Variants in NUP155 observed in about 807,000 individuals in gnomAD.
NUP155 encodes nucleoporin 155, also known as nuclear pore complex protein Nup155.
NUP155 carries 71 observed loss-of-function variants against 180.4 expected under a neutral mutation model. The ratio of observed to expected loss-of-function variants is 0.39; its 90% CI spans 0.33 to 0.48. The LOEUF (loss-of-function observed/expected upper bound fraction) is 0.48. Ranked by LOEUF, NUP155 falls within the 20% of genes least tolerant of loss-of-function variation. The probability of loss-of-function intolerance (pLI) is 0.91; values close to 1 mark genes in which losing one functional copy is unlikely to be tolerated. For missense variants in NUP155, 1,553 were observed against 1,648.9 expected, an observed-to-expected ratio of 0.94 and a Z score of 1.01; for synonymous variants, 582 against 559.5, an observed-to-expected ratio of 1.04 and a Z score of -0.57.
Position 37,301,272 on chromosome 5 carries a change from A to G in NUP155, c.3561+165T>C, listed in dbSNP as rs1742849285. On this transcript the variant is annotated intron_variant, in intron 30 of 34. Coordinates refer to ENST00000231498, the MANE Select transcript of NUP155 (RefSeq NM_153485.3). ...AGCTTAGCCTTTTTCTAGGAGTCAG[A>G]TGAAGCAGTGGTGATCTGTCAGCCC... 24 of 584,396 alleles carry G rather than the reference A, an allele frequency of 4.1e-5. 1 individual carries two copies. In the South Asian group the frequency reaches 4.4e-4, roughly 11 times the overall value. 36.2% of individuals were successfully genotyped at this position (584,396 alleles called of 1,614,324 possible).
chr5:37,348,452 A>C, intron 9 of NUP155, 53 bp downstream of exon 9: 3 of 1,108,164 alleles, frequency 2.7e-6, no homozygotes, highest in Non-Finnish European at 4.2e-6. Flanking sequence ...GCTACACACA[A>C]ATAGTATAAT....
chr5:37,366,179 C>T (rs374821738), intron 1 of NUP155, among the ~76,000 whole-genome samples: 3 of 152,166 alleles, frequency 2.0e-5, no homozygotes, highest in East Asian at 3.9e-4. Flanking sequence ...TCTACTCAGC[C>T]TACCCTTGCT....
At chr5:37,362,317 T>TC (rs775539377) in intron 3 of NUP155, among the ~76,000 whole-genome samples, 26 of 152,000 alleles carry the variant, frequency 1.7e-4, no homozygotes, top group Non-Finnish European at 3.1e-4. Flanking sequence ...GATGGAGTTT[T>TC]CCCTCTTGTT....
intron 3 of NUP155, among the ~76,000 whole-genome samples, chr5:37,361,886 T>C (rs1410972514): frequency 6.6e-6 from 1 of 152,100 alleles, no homozygotes; most frequent in East Asian, 1.9e-4. Context: ...GTGGGGTCTT[T>C]GAAAGGTTAT....
intron 27 of NUP155, 44 bp from the exon 28 acceptor site, chr5:37,303,458 C>T: frequency 1.3e-6 from 2 of 1,507,882 alleles, no homozygotes; most frequent in South Asian, 1.1e-5. Context: ...TAACCACCTA[C>T]AGATAATGTT....
intron 32 of NUP155, among the ~76,000 whole-genome samples, chr5:37,295,438 G>A (rs1336376062): frequency 6.6e-6 from 1 of 152,078 alleles, no homozygotes; most frequent in African/African-American, 2.4e-5. Context: ...CTCCCAAAGT[G>A]CCGAGATTGC....
chr5:37,344,009 G>T (rs1037748557), intron 9 of NUP155, among the ~76,000 whole-genome samples: 14 of 152,100 alleles, frequency 9.2e-5, no homozygotes, highest in Non-Finnish European at 1.9e-4. Flanking sequence ...ATATAATGTA[G>T]TAAGACATTT....
rs1248374822 is a variant in NUP155, at chr5:37,291,827, AAC to A, written c.*71_*72del. The A allele has an allele frequency of 1.5e-6, 2 of 1,368,334 alleles. No individual in the cohort carries two copies. The highest frequency in any genetic ancestry group is 4.6e-5 in the East Asian group (2 of 43,534). The allele number at this position is 1,368,334 out of a possible 1,614,324, so 84.8% of individuals were successfully genotyped here. The stretch of plus-strand genomic sequence containing the variant: ...ATTGTTCTTACATTCTTAGATTTAG[AAC>A]ACCTGATATCTGGACCCAGCTGAGT... On this transcript the variant is annotated 3_prime_UTR_variant, in exon 35 of 35. Coordinates refer to ENST00000231498, the MANE Select transcript of NUP155 (RefSeq NM_153485.3).
intron 20 of NUP155, among the ~76,000 whole-genome samples, chr5:37,323,452 C>CA (rs1293800551): frequency 2.0e-5 from 3 of 151,996 alleles, no homozygotes; most frequent in African/African-American, 7.2e-5. Context: ...GGGAAAGAAA[C>CA]AGACACCAAA....
chr5:37,324,066 T>C lies in NUP155; in HGVS notation c.2133A>G (p.Leu711=), dbSNP rs763375833. 2.4e-5 allele frequency: 38 copies of C among 1,613,762 alleles called. No individual in the cohort carries two copies. Among genetic ancestry groups the C allele is most frequent in the Middle Eastern group, 3.3e-4 (2 of 6,080 alleles). Residue 711 remains leucine (L), a synonymous_variant, in exon 20 of 35, where the codon CTA becomes CTG. Transcript: ENST00000231498. The part of the protein sequence containing the change: ...SVPCQLLESV[L]QELKGLQEFL... The stretch of plus-strand genomic sequence containing the variant: ...ATTCCTGCAAACCCTTTAGTTCTTG[T>C]AGCACTGACTCTAGCAGTTGGCAGG...
chr5:37,311,782 G>A (rs917590664), intron 22 of NUP155, among the ~76,000 whole-genome samples: 2 of 152,076 alleles, frequency 1.3e-5, no homozygotes, highest in Non-Finnish European at 2.9e-5. Context: ...CACTTTGGGA[G>A]GCCAAGGCAG....
intron 3 of NUP155, among the ~76,000 whole-genome samples, chr5:37,358,874 C>T (rs531634393): frequency 4.6e-5 from 7 of 152,064 alleles, no homozygotes; most frequent in East Asian, 1.9e-4. Context: ...AAAATTAGCC[C>T]GGCATGGTGG....
At chr5:37,350,312 C>T in intron 6 of NUP155, 47 bp from the exon 7 acceptor site, 1 of 1,158,602 alleles carries the variant, frequency 8.6e-7, no homozygotes, top group Non-Finnish European at 1.3e-6. Context: ...ATGTAACTCC[C>T]TTACAATAAC....
chr5:37,362,352 G>A (rs182757378), intron 3 of NUP155, among the ~76,000 whole-genome samples: 67 of 151,410 alleles, frequency 4.4e-4, no homozygotes, highest in Non-Finnish European at 7.4e-4. Context: ...GCAATGGCGC[G>A]ATCTCGGCTC....
chr5:37,348,145 T>C (rs1006927634), intron 9 of NUP155, among the ~76,000 whole-genome samples: 1 of 151,216 alleles, frequency 6.6e-6, no homozygotes, highest in East Asian at 2.0e-4. Context: ...AAAAAAAATA[T>C]ATATAAAAAT....
chr5:37,370,778 CGA>C (rs1491418615), intron 1 of NUP155, 41 bp downstream of exon 1: 8 of 1,613,722 alleles, frequency 5.0e-6, no homozygotes, highest in Middle Eastern at 1.7e-4. Flanking sequence ...GGAAGTCAGG[CGA>C]GAGTCCTTTA....
intron 12 of NUP155, 53 bp downstream of exon 12, chr5:37,337,765 T>C: frequency 9.4e-7 from 1 of 1,065,532 alleles, no homozygotes; most frequent in South Asian, 1.3e-5. Flanking sequence ...TTCCATATTA[T>C]CCTTCACTTA....
In NUP155 at chr5:37,305,158, T is replaced by C; in HGVS notation, c.2956A>G (p.Ser986Gly). Residue 986 changes from serine to glycine, a missense_variant, in exon 26 of 35, where the codon AGT becomes GGT. Transcript: ENST00000231498. ...TDTLQELVNQ[S>G]KAAPQSPSVP... is the part of the protein sequence containing the mutation. The stretch of plus-strand genomic sequence containing the variant: ...CTGGGAGACTGAGGAGCGGCCTTAC[T>C]TTGATTTACCAGTTCTTGAAGTGTG... 6.2e-7 allele frequency: 1 copy of C among 1,613,864 alleles called. No homozygotes were observed. The highest frequency in any genetic ancestry group is 8.5e-7 in the Non-Finnish European group (1 of 1,179,896).
At chr5:37,342,708 T>C (rs1745811025) in intron 9 of NUP155, 62 bp from the exon 10 acceptor site, 2 of 1,088,566 alleles carry the variant, frequency 1.8e-6, no homozygotes, top group East Asian at 4.9e-5. Flanking sequence ...ATAAGAAATA[T>C]TTCCCATCAG....
Sources: gnomAD v4.1 joint callset for allele counts (sites outside exome capture counted in the v4.1 genomes callset) on GRCh38, gnomAD v4.1.1 for gene constraint, MANE v1.5 for transcripts, NCBI Gene and HGNC (gene_info 2026-07-23, HGNC 2026-07-21) for gene names.